NUP98: variants seen among roughly 807,000 people sequenced by gnomAD.
The protein encoded by NUP98 is nuclear pore complex protein Nup98-Nup96.
A neutral mutation model predicts 191.9 loss-of-function variants in NUP98; 26 were observed. The ratio of observed to expected loss-of-function variants is 0.14; its 90% CI spans 0.10 to 0.19. NUP98 has a LOEUF of 0.19. Among genes scored for constraint, NUP98 ranks in the 10% least tolerant of loss-of-function variants. The pLI is 1.00. For missense variants in NUP98, 1,941 were observed against 2,178.8 expected (o/e 0.89, Z 2.17); for synonymous variants, 808 against 778.4 (o/e 1.04, Z -0.63).
rs1444876817 is a variant in NUP98 at position 3,712,724 on chromosome 11, G to A, written c.2582C>T (p.Ser861Phe). Residue 861 changes from serine (S) to phenylalanine (F), a missense_variant, in exon 20 of 33, where the codon TCC becomes TTC. By Grantham distance (155) the Ser-to-Phe change is radical. Coordinates refer to ENST00000324932, the MANE Select transcript of NUP98 (RefSeq NM_016320.5). ...CTGAAGGCCATACTTAGAAAAATGG[G>A]AGACCTAAGGAAGAGAAGAACCCCA... is the stretch of plus-strand genomic sequence containing the variant. ...PETGSWVFKV[S>F]HFSKYGLQDS... 22 of 1,612,110 alleles carry A rather than the reference G, an allele frequency of 1.4e-5. No individual in the cohort carries two copies. Among genetic ancestry groups the A allele is most frequent in the Non-Finnish European group, 1.7e-5 (20 of 1,179,858 alleles).
chr11:3,794,711 C>T (rs2082471549), intron 1 of NUP98, among the ~76,000 whole-genome samples: 1 of 152,140 alleles, frequency 6.6e-6, no homozygotes, highest in South Asian at 2.1e-4. Flanking sequence ...ATCTTCCAGG[C>T]TCTGATGTTT....
At chr11:3,775,481 A>T (rs1474637693) in intron 5 of NUP98, among the ~76,000 whole-genome samples, 1 of 152,000 alleles carries the variant, frequency 6.6e-6, no homozygotes, top group Non-Finnish European at 1.5e-5. Context: ...GGTTGCAGTG[A>T]GCTGAGATTG....
At chr11:3,768,840 A>C in intron 7 of NUP98, 96 bp from the exon 8 acceptor site, 1 of 953,540 alleles carries the variant, frequency 1.0e-6, no homozygotes, top group Non-Finnish European at 1.5e-6. Flanking sequence ...TTGTTGTAAT[A>C]GTCTTTATGT....
intron 15 of NUP98, among the ~76,000 whole-genome samples, chr11:3,724,774 C>A (rs1252898749): frequency 2.2e-5 from 1 of 45,218 alleles, no homozygotes; most frequent in East Asian, 5.4e-4. Context: ...GAGTGAGACT[C>A]TGTCTCAAAA....
chr11:3,737,321 CAA>C (rs34718372), intron 12 of NUP98, among the ~76,000 whole-genome samples: 2,009 of 111,956 alleles, frequency 0.018, 33 homozygotes, highest in African/African-American at 0.058. Flanking sequence ...GCAGTAATAA[CAA>C]AAAAAAAAAA....
chr11:3,734,096 C>T (rs564797032), intron 13 of NUP98, among the ~76,000 whole-genome samples: 3 of 151,242 alleles, frequency 2.0e-5, no homozygotes, highest in Non-Finnish European at 4.4e-5. Context: ...AGTGCAATGG[C>T]GCAATCTCGG....
intron 22 of NUP98, among the ~76,000 whole-genome samples, chr11:3,703,117 CAAT>C (rs2078760362): frequency 2.6e-5 from 4 of 151,198 alleles, no homozygotes; most frequent in Admixed American, 6.6e-5. Flanking sequence ...ATATCTACAA[CAAT>C]AATAAAAGCA....
intron 20 of NUP98, 59 bp downstream of exon 20, chr11:3,712,505 C>G (rs1387161898): frequency 6.2e-7 from 1 of 1,603,080 alleles, no homozygotes; most frequent in Non-Finnish European, 8.5e-7. Flanking sequence ...AGCTGAATGA[C>G]TTGCTTTCAA....
intron 14 of NUP98, among the ~76,000 whole-genome samples, chr11:3,729,641 A>C (rs1346958764): frequency 7.1e-6 from 1 of 140,156 alleles, no homozygotes; most frequent in African/African-American, 2.7e-5. Flanking sequence ...ACCTGAGCCC[A>C]GGGGTCGAAG....
intron 15 of NUP98, among the ~76,000 whole-genome samples, chr11:3,723,687 GA>G (rs1331634802): frequency 1.4e-5 from 2 of 148,130 alleles, no homozygotes; most frequent in East Asian, 2.0e-4. Context: ...ATTAAAAACT[GA>G]AAAAAATGTT....
At chr11:3,676,707 C>T in intron 31 of NUP98, 87 bp from the exon 32 acceptor site, 1 of 1,067,672 alleles carries the variant, frequency 9.4e-7, no homozygotes, top group Non-Finnish European at 1.4e-6. Context: ...AACCTTGAAA[C>T]AACAGTGAGG....
chr11:3,700,945 C>T (rs2078657514), intron 23 of NUP98, 106 bp from the exon 24 acceptor site: 2 of 758,594 alleles, frequency 2.6e-6, no homozygotes, highest in Non-Finnish European at 4.2e-6. Context: ...AAACGGAATG[C>T]AAACATTTCA....
Position 3,691,355 on chromosome 11 carries a change from G to A in NUP98, c.4446C>T (p.Tyr1482=). The part of the protein sequence containing the change: ...RDVCFHLLKL[Y]SDRHYDLNQL... The stretch of plus-strand genomic sequence containing the variant: ...GCCTGGCTCTCATTTACCTGTCACT[G>A]TAGAGTTTTAGAAGGTGAAAGCAGA... Residue 1482 remains tyrosine, a synonymous_variant, in exon 28 of 33, where the codon TAC becomes TAT. Transcript: ENST00000324932. 1 of 1,614,154 alleles carries A rather than the reference G, an allele frequency of 6.2e-7. No homozygotes were observed. The highest frequency in any genetic ancestry group is 8.5e-7 in the Non-Finnish European group (1 of 1,180,040).
intron 28 of NUP98, among the ~76,000 whole-genome samples, chr11:3,689,306 C>T (rs2078232388): frequency 6.6e-6 from 1 of 152,068 alleles, no homozygotes; most frequent in South Asian, 2.1e-4. Context: ...GTGGGCAGAT[C>T]ACGAGGTCAG....
At chr11:3,780,541 C>CAAAAAAAAAAAAA (rs142060672) in intron 2 of NUP98, among the ~76,000 whole-genome samples, 8 of 74,796 alleles carry the variant, frequency 1.1e-4, no homozygotes, top group Admixed American at 1.9e-4. Context: ...GACTCCATCT[C>CAAAAAAAAAAAAA]AAAAAAAAAA....
Position 3,689,940 on chromosome 11 carries a change from A to AT in NUP98, c.4454+1406dup, listed in dbSNP as rs989043726. Among the ~76,000 whole-genome samples the AT allele has an allele frequency of 7.1e-3, 520 of 73,564 alleles. 17 individuals carry two copies. The highest frequency in any genetic ancestry group is 0.011 in the African/African-American group (191 of 17,128). The allele number at this position is 73,564 out of a possible 152,430, so 48.3% of individuals were successfully genotyped here. ...GTGTGAGCCACCATGGCTGGCCTGC[A>AT]TTTTTTTTTTTTTTTTTTTTTTTTT... On this transcript the variant is annotated intron_variant, in intron 28 of 32. Coordinates refer to ENST00000324932, the MANE Select transcript of NUP98 (RefSeq NM_016320.5).
At chr11:3,736,803 T>C (rs1441622790) in intron 12 of NUP98, among the ~76,000 whole-genome samples, 6 of 152,200 alleles carry the variant, frequency 3.9e-5, no homozygotes, top group Non-Finnish European at 8.8e-5. Flanking sequence ...CAAACAAAAA[T>C]GTGGTTTTTT....
At chr11:3,777,615 C>T (rs957617322) in intron 4 of NUP98, among the ~76,000 whole-genome samples, 1 of 123,208 alleles carries the variant, frequency 8.1e-6, no homozygotes, top group Non-Finnish European at 1.6e-5. Flanking sequence ...ATCAAGACTC[C>T]GTCTCAAAAA....
rs1339530669 is a variant in NUP98, at chr11:3,780,505, G to A, written c.77-1248C>T. 4.8e-5 allele frequency among the ~76,000 whole-genome samples: 6 copies of A among 124,596 alleles called. No homozygotes were observed. In the Admixed American group the frequency reaches 6.3e-4, roughly 13 times the overall value. The allele number at this position is 124,596 out of a possible 152,430, so 81.7% of individuals were successfully genotyped here. A position where few individuals can be genotyped will look rare whatever the true frequency, so the allele number is the denominator to read the frequency against. On this transcript the variant is annotated intron_variant, in intron 2 of 32. Transcript: ENST00000324932. ...CGCCGTGAGCTGAGATCGCACCACC[G>A]CACTCCATCCTGGGTGACAGAGCGA...
Sources: allele counts gnomAD v4.1 joint callset (sites outside exome capture counted in the v4.1 genomes callset), GRCh38; gene constraint gnomAD v4.1.1; transcripts MANE v1.5; gene names NCBI Gene and HGNC (gene_info 2026-07-23, HGNC 2026-07-21).